PALM2AKAP2: variants seen among roughly 807,000 people sequenced by gnomAD.
The protein encoded by PALM2AKAP2 is PALM2 and AKAP2 fusion, also known as PALM2-AKAP2 fusion protein.
In PALM2AKAP2, 37 loss-of-function variants were observed where a neutral mutation model predicts 71.5. That is an observed-to-expected ratio of 0.52 (90% CI 0.40 to 0.68). The LOEUF (loss-of-function observed/expected upper bound fraction) is 0.68, where lower values mean the gene tolerates loss of function less well. Ranked by LOEUF, PALM2AKAP2 falls within the 30% of genes least tolerant of loss-of-function variation. The probability of loss-of-function intolerance (pLI) is 0.00; values close to 1 mark genes in which losing one functional copy is unlikely to be tolerated. For synonymous variants in PALM2AKAP2, 468 were observed against 478.8 expected, an observed-to-expected ratio of 0.98 and a Z score of 0.29; for missense variants, 1,224 against 1,191.8, an observed-to-expected ratio of 1.03 and a Z score of -0.40.
At chr9:109,929,993 G>A (rs143662724) in intron 5 of PALM2AKAP2, among the ~76,000 whole-genome samples, 1 of 151,992 alleles carries the variant, frequency 6.6e-6, no homozygotes. Flanking sequence ...ATCTTCAGGG[G>A]GTCCCTGCAG....
intron 1 of PALM2AKAP2, among the ~76,000 whole-genome samples, chr9:109,669,335 A>G (rs2118484491): frequency 6.6e-6 from 1 of 152,042 alleles, no homozygotes; most frequent in Admixed American, 6.5e-5. Context: ...AGACAATCAC[A>G]TGGATTCCCT....
At chr9:110,108,108 TTC>T (rs1452247622) in intron 1 of PALM2AKAP2, among the ~76,000 whole-genome samples, 1 of 149,868 alleles carries the variant, frequency 6.7e-6, no homozygotes, top group Non-Finnish European at 1.5e-5. Flanking sequence ...CCTTTTGTTT[TTC>T]TTTTTTTCTT....
intron 3 of PALM2AKAP2, among the ~76,000 whole-genome samples, chr9:110,159,178 C>T (rs993578380): frequency 1.3e-5 from 2 of 152,254 alleles, no homozygotes; most frequent in East Asian, 3.9e-4. Context: ...CTTACCTATC[C>T]GTAGAAGCAT....
At chr9:110,072,397 C>T (rs1834224989) in intron 1 of PALM2AKAP2, among the ~76,000 whole-genome samples, 1 of 152,116 alleles carries the variant, frequency 6.6e-6, no homozygotes, top group Admixed American at 6.5e-5. Context: ...CAAAAAACTG[C>T]CTGCTACTAA....
chr9:110,136,585 G>A lies in PALM2AKAP2; in HGVS notation c.615G>A (p.Glu205=), dbSNP rs149650328. ...GCCGGCAGGCACCTCCTCACATCGA[G>A]CTCAGTAATAGCAGCCCTGACCCCA... is the stretch of plus-strand genomic sequence containing the variant. The change falls in exon 2 of 4, where the codon GAG becomes GAA. Residue 205 remains glutamate (E), a synonymous_variant. Coordinates refer to ENST00000374525, the Ensembl canonical transcript of PALM2AKAP2. 2.4e-5 allele frequency: 38 copies of A among 1,613,640 alleles called. No homozygotes were observed. The African/African-American group carries it at 3.3e-4, about 14-fold the overall frequency.
Position 109,825,144 on chromosome 9 carries a change from G to T in PALM2AKAP2, c.46-42347G>T, listed in dbSNP as rs556285367. On this transcript the variant is annotated intron_variant, in intron 1 of 9. Transcript: ENST00000302798. ...AAAATTGAATTTAAAGTACAGTTTT[G>T]TCTGGCTAGCCATATGTAGAAAGCT... is the stretch of plus-strand genomic sequence containing the variant. 5.9e-5 allele frequency among the ~76,000 whole-genome samples: 9 copies of T among 152,242 alleles called. No homozygotes were observed. In the South Asian group the frequency reaches 1.7e-3, roughly 28 times the overall value.
At chr9:109,831,877 C>G (rs1240398594) in intron 1 of PALM2AKAP2, among the ~76,000 whole-genome samples, 1 of 151,940 alleles carries the variant, frequency 6.6e-6, no homozygotes, top group East Asian at 1.9e-4. Context: ...CTAAAAGATT[C>G]TCATTTTAAG....
At chr9:110,137,767 C>G in exon 2 of PALM2AKAP2, 9 of 1,614,148 alleles carry the variant, frequency 5.6e-6, no homozygotes, top group Non-Finnish European at 7.6e-6. Context: ...ATGAGACAAC[C>G]AATGCCCTCC....
chr9:109,785,064 G>A (rs1826924777), intron 1 of PALM2AKAP2, among the ~76,000 whole-genome samples: 1 of 152,192 alleles, frequency 6.6e-6, no homozygotes. Context: ...GAGGAAGATA[G>A]TTTTCTTTGG....
At chr9:109,954,677 AAAAAG>A (rs1457451222) in intron 6 of PALM2AKAP2, among the ~76,000 whole-genome samples, 3 of 150,816 alleles carry the variant, frequency 2.0e-5, no homozygotes, top group Non-Finnish European at 4.4e-5. Flanking sequence ...AAAAAAAAAA[AAAAAG>A]AAGTTAAGGT....
chr9:109,655,371 T>C (rs1827287977), intron 1 of PALM2AKAP2, among the ~76,000 whole-genome samples: 1 of 151,894 alleles, frequency 6.6e-6, no homozygotes, highest in South Asian at 2.1e-4. Flanking sequence ...CAGAGATTTA[T>C]ATAGTCCATC....
chr9:110,097,367 T>C (rs10980201), intron 1 of PALM2AKAP2, among the ~76,000 whole-genome samples: 22,175 of 132,888 alleles, frequency 0.17, 2,189 homozygotes, highest in African/African-American at 0.33. Flanking sequence ...TACACAGACA[T>C]GGCAACCATC....
chr9:110,164,121 C>T (rs942610924), intron 3 of PALM2AKAP2, among the ~76,000 whole-genome samples: 7 of 152,146 alleles, frequency 4.6e-5, no homozygotes, highest in Non-Finnish European at 8.8e-5. Flanking sequence ...CCTTCTTTAA[C>T]GTCTAATTGT....
intron 1 of PALM2AKAP2, among the ~76,000 whole-genome samples, chr9:109,792,774 G>C (rs536755186): frequency 6.6e-6 from 1 of 152,038 alleles, no homozygotes; most frequent in Non-Finnish European, 1.5e-5. Flanking sequence ...AGCCTGGGTC[G>C]TCTTTTCACT....
intron 1 of PALM2AKAP2, among the ~76,000 whole-genome samples, chr9:110,117,101 T>C (rs1835380570): frequency 6.6e-6 from 1 of 152,084 alleles, no homozygotes; most frequent in African/African-American, 2.4e-5. Flanking sequence ...CTTTGTTTGT[T>C]TTTGTTTTGT....
At chr9:109,806,686 A>T (rs1246945612) in intron 1 of PALM2AKAP2, among the ~76,000 whole-genome samples, 1 of 152,188 alleles carries the variant, frequency 6.6e-6, no homozygotes, top group Non-Finnish European at 1.5e-5. Context: ...AGGAACAGCA[A>T]GTGCTGGCCT....
At chr9:109,690,549 G>A (rs1827867481) in intron 1 of PALM2AKAP2, among the ~76,000 whole-genome samples, 2 of 152,162 alleles carry the variant, frequency 1.3e-5, no homozygotes, top group South Asian at 4.1e-4. Flanking sequence ...ATGCAATCAG[G>A]AAGATTGCCT....
chr9:109,925,461 T>C (rs1830936221), intron 5 of PALM2AKAP2, among the ~76,000 whole-genome samples: 1 of 152,156 alleles, frequency 6.6e-6, no homozygotes, highest in Non-Finnish European at 1.5e-5. Flanking sequence ...GGTTGAAACA[T>C]ACGTGAGAAG....
chr9:109,899,247 A>G (rs1290624632), intron 3 of PALM2AKAP2, among the ~76,000 whole-genome samples: 1 of 152,196 alleles, frequency 6.6e-6, no homozygotes, highest in Non-Finnish European at 1.5e-5. Context: ...ATTGAAAAAC[A>G]TCACCATGCA....
Sources: gnomAD v4.1 joint callset for allele counts (sites outside exome capture counted in the v4.1 genomes callset) on GRCh38, gnomAD v4.1.1 for gene constraint, MANE v1.5 for transcripts, NCBI Gene and HGNC (gene_info 2026-07-23, HGNC 2026-07-21) for gene names.